Variants in AKR1C8 observed in about 807,000 individuals in gnomAD.
AKR1C8 encodes aldo-keto reductase family 1 member C8.
At chr10:5,174,306 AC>A in the AKR1C8 span, among the ~76,000 whole-genome samples, 1 of 8,798 alleles carries the variant, frequency 1.1e-4, no homozygotes, top group East Asian at 0.036. Flanking sequence ...TAATTAATTA[AC>A]CTAAAAAAAA....
At chr10:5,165,017 G>T in the AKR1C8 span, among the ~76,000 whole-genome samples, 1 of 152,228 alleles carries the variant, frequency 6.6e-6, no homozygotes, top group South Asian at 2.1e-4. Context: ...TAGTAATCAG[G>T]AATGTAATTC....
the AKR1C8 span, among the ~76,000 whole-genome samples, chr10:5,127,514 T>C: frequency 0.39 from 59,291 of 150,524 alleles, 12,345 homozygotes; most frequent in Non-Finnish European, 0.43. Flanking sequence ...AGGTCAGGAG[T>C]TCAAGATCAG....
the AKR1C8 span, among the ~76,000 whole-genome samples, chr10:5,130,327 A>T: frequency 1.3e-5 from 2 of 152,176 alleles, no homozygotes; most frequent in East Asian, 3.9e-4. Context: ...CTGAATGGAG[A>T]AAAGTTTAAA....
chr10:5,118,179 T>C, the AKR1C8 span, among the ~76,000 whole-genome samples: 1 of 152,166 alleles, frequency 6.6e-6, no homozygotes, highest in Non-Finnish European at 1.5e-5. Flanking sequence ...AGTACAACCA[T>C]GTTATCCATT....
chr10:5,140,237 GGCGA>G, the AKR1C8 span, among the ~76,000 whole-genome samples: 1 of 152,182 alleles, frequency 6.6e-6, no homozygotes. Flanking sequence ...AAGACAGTGT[GGCGA>G]TTTCTCAAGG....
chr10:5,132,685 T>G, the AKR1C8 span: 1 of 1,591,318 alleles, frequency 6.3e-7, no homozygotes, highest in Non-Finnish European at 8.6e-7. Context: ...TGCTCCTCAT[T>G]ATTGTATAAA....
the AKR1C8 span, among the ~76,000 whole-genome samples, chr10:5,176,124 G>C: frequency 6.6e-6 from 1 of 151,850 alleles, no homozygotes; most frequent in African/African-American, 2.4e-5. Context: ...TAACGTTTAA[G>C]TCTTTAATCC....
chr10:5,132,502 T>A, the AKR1C8 span: 2 of 1,165,286 alleles, frequency 1.7e-6, no homozygotes, highest in East Asian at 2.8e-5. Flanking sequence ...TTGGAACCAA[T>A]AAGCACAATT....
At chr10:5,140,662 G>T in the AKR1C8 span, among the ~76,000 whole-genome samples, 1 of 152,038 alleles carries the variant, frequency 6.6e-6, no homozygotes, top group South Asian at 2.1e-4. Context: ...TGGGGGGTTG[G>T]GGGAGGGATA....
chr10:5,120,275 G>A, the AKR1C8 span, among the ~76,000 whole-genome samples: 1 of 152,102 alleles, frequency 6.6e-6, no homozygotes, highest in African/African-American at 2.4e-5. Context: ...AAATATGTGG[G>A]TAAGACTCTG....
At chr10:5,163,189 A>G in the AKR1C8 span, among the ~76,000 whole-genome samples, 37 of 152,344 alleles carry the variant, frequency 2.4e-4, no homozygotes, top group African/African-American at 7.7e-4. Flanking sequence ...AAACTCCAGT[A>G]TAACTTCTAT....
At chr10:5,184,999 G>C in the AKR1C8 span, 1 of 534,404 alleles carries the variant, frequency 1.9e-6, no homozygotes, top group East Asian at 5.5e-5. Flanking sequence ...TCAGCCTCCT[G>C]GGGTCCACTT....
chr10:5,151,262 C>T, the AKR1C8 span, among the ~76,000 whole-genome samples: 1 of 152,106 alleles, frequency 6.6e-6, no homozygotes, highest in South Asian at 2.1e-4. Context: ...ATCTTATAGC[C>T]TCCAGCCGCA....
the AKR1C8 span, among the ~76,000 whole-genome samples, chr10:5,167,778 C>CAA: frequency 1.3e-4 from 19 of 151,456 alleles, no homozygotes; most frequent in Admixed American, 4.6e-4. Flanking sequence ...TTAAGTATAA[C>CAA]AAAAAAAAGA....
chr10:5,147,013 T>C, the AKR1C8 span, among the ~76,000 whole-genome samples: 3 of 152,198 alleles, frequency 2.0e-5, no homozygotes, highest in African/African-American at 7.2e-5. Flanking sequence ...CTTTGGCTCA[T>C]GGTTCTGCAT....
At chr10:5,170,078 G>A in the AKR1C8 span, among the ~76,000 whole-genome samples, 2 of 152,014 alleles carry the variant, frequency 1.3e-5, no homozygotes, top group Non-Finnish European at 2.9e-5. Flanking sequence ...GGGGGCAAAG[G>A]ATTCTGGACA....
the AKR1C8 span, among the ~76,000 whole-genome samples, chr10:5,142,656 G>A: frequency 1.2e-4 from 18 of 152,074 alleles, no homozygotes; most frequent in Non-Finnish European, 1.9e-4. Context: ...TCACTGAAGC[G>A]GTCAGAAGAC....
At chr10:5,175,800 C>T in the AKR1C8 span, among the ~76,000 whole-genome samples, 1 of 150,504 alleles carries the variant, frequency 6.6e-6, no homozygotes, top group Non-Finnish European at 1.5e-5. Context: ...TGTTCATGAA[C>T]TTCGCCCACT....
At chr10:5,141,812 G>A in the AKR1C8 span, among the ~76,000 whole-genome samples, 1 of 152,122 alleles carries the variant, frequency 6.6e-6, no homozygotes, top group African/African-American at 2.4e-5. Context: ...GAGCTATGCT[G>A]TAAGACAGCT....
Sources: allele counts gnomAD v4.1 joint callset (sites outside exome capture counted in the v4.1 genomes callset), GRCh38; gene constraint gnomAD v4.1.1; transcripts MANE v1.5; gene names NCBI Gene and HGNC (gene_info 2026-07-23, HGNC 2026-07-21).